CAST: variants seen among roughly 807,000 people sequenced by gnomAD.
The protein encoded by CAST is calpastatin.
CAST carries 76 observed loss-of-function variants against 119.6 expected under a neutral mutation model. That is an observed-to-expected ratio of 0.64 (90% CI 0.53 to 0.77). The LOEUF (loss-of-function observed/expected upper bound fraction) is 0.77. Among genes scored for constraint, CAST ranks in the 30% least tolerant of loss-of-function variants. The pLI is 0.00. For missense variants in CAST, 953 were observed against 946.5 expected (o/e 1.01, Z -0.09); for synonymous variants, 319 against 331.6 (o/e 0.96, Z 0.41).
At chr5:96,697,074 A>G (rs2150308114) in intron 3 of CAST, among the ~76,000 whole-genome samples, 1 of 151,170 alleles carries the variant, frequency 6.6e-6, no homozygotes, top group Non-Finnish European at 1.5e-5. Context: ...AGGCTGAGGC[A>G]GGAGAATGGC....
At chr5:96,730,746 T>TA in intron 8 of CAST, 34 bp from the exon 9 acceptor site, 1 of 1,487,022 alleles carries the variant, frequency 6.7e-7, no homozygotes, top group Non-Finnish European at 9.4e-7. Flanking sequence ...CAGAGATACT[T>TA]AGCTCTGTCA....
the CAST span, among the ~76,000 whole-genome samples, chr5:96,363,652 A>G: frequency 4.6e-4 from 70 of 152,114 alleles, no homozygotes; most frequent in African/African-American, 1.5e-3. Flanking sequence ...TTATTGGTGT[A>G]TAAGAATGCT....
At chr5:95,993,449 C>G in the CAST span, among the ~76,000 whole-genome samples, 1 of 152,066 alleles carries the variant, frequency 6.6e-6, no homozygotes, top group African/African-American at 2.4e-5. Flanking sequence ...TTTTGGTTAT[C>G]ACAACTGGAG....
At chr5:96,102,726 T>TTG in the CAST span, among the ~76,000 whole-genome samples, 109 of 151,360 alleles carry the variant, frequency 7.2e-4, 1 homozygote, top group African/African-American at 2.5e-3. Context: ...TCTTGGGGTT[T>TTG]TTTTTTTTTT....
the CAST span, among the ~76,000 whole-genome samples, chr5:96,326,695 ATTTTTTT>A: frequency 2.2e-3 from 208 of 95,748 alleles, 1 homozygote; most frequent in African/African-American, 6.8e-3. Flanking sequence ...ATGGCTTTTC[ATTTTTTT>A]TTTTTTTTTT....
At chr5:96,072,832 G>A in the CAST span, among the ~76,000 whole-genome samples, 1 of 152,182 alleles carries the variant, frequency 6.6e-6, no homozygotes, top group African/African-American at 2.4e-5. Flanking sequence ...ACCTGTGCGT[G>A]TGCACACATA....
intron 1 of CAST, among the ~76,000 whole-genome samples, chr5:96,576,778 T>C (rs2150188312): frequency 6.6e-6 from 1 of 152,314 alleles, no homozygotes; most frequent in East Asian, 1.9e-4. Flanking sequence ...GTTTTCGTTT[T>C]TGTTTTTTCT....
chr5:96,594,208 C>T (rs1391065609), intron 1 of CAST, among the ~76,000 whole-genome samples: 2 of 152,182 alleles, frequency 1.3e-5, no homozygotes, highest in Non-Finnish European at 2.9e-5. Context: ...AAGAAACTCT[C>T]GTTTTTTCCA....
At chr5:96,429,146 TA>T in the CAST span, 51 of 848,454 alleles carry the variant, frequency 6.0e-5, no homozygotes, top group Non-Finnish European at 9.9e-5. Context: ...CTTCTGTTTT[TA>T]TTAGAAATCA....
the CAST span, among the ~76,000 whole-genome samples, chr5:96,127,247 A>C: frequency 2.0e-5 from 3 of 152,092 alleles, no homozygotes; most frequent in Admixed American, 6.6e-5. Context: ...ACAAATTACA[A>C]TTTTTGTGAA....
At chr5:96,182,753 A>G in the CAST span, among the ~76,000 whole-genome samples, 1 of 152,214 alleles carries the variant, frequency 6.6e-6, no homozygotes, top group African/African-American at 2.4e-5. Flanking sequence ...CAAACACAAC[A>G]GTCTACTTTT....
chr5:96,352,044 A>C, the CAST span, among the ~76,000 whole-genome samples: 918 of 152,278 alleles, frequency 6.0e-3, 15 homozygotes, highest in African/African-American at 0.021. Flanking sequence ...TTAGAGGACC[A>C]TCCCAACACT....
At chr5:96,277,530 A>G in the CAST span, among the ~76,000 whole-genome samples, 38 of 152,266 alleles carry the variant, frequency 2.5e-4, no homozygotes, top group African/African-American at 8.4e-4. Flanking sequence ...TCTATTAAAC[A>G]TGGCAAATAA....
chr5:96,565,498 C>A (rs1469291723), intron 1 of CAST, among the ~76,000 whole-genome samples: 1 of 152,144 alleles, frequency 6.6e-6, no homozygotes, highest in East Asian at 1.9e-4. Context: ...ATCCCCAAAT[C>A]ATACTGTGAA....
At chr5:96,155,815 A>G in the CAST span, among the ~76,000 whole-genome samples, 1 of 152,058 alleles carries the variant, frequency 6.6e-6, no homozygotes, top group African/African-American at 2.4e-5. Flanking sequence ...TGGTCTCTCT[A>G]TGGCTTCTGC....
At chr5:96,589,132 T>TAAAG (rs1746917451) in intron 1 of CAST, among the ~76,000 whole-genome samples, 1 of 152,198 alleles carries the variant, frequency 6.6e-6, no homozygotes, top group South Asian at 2.1e-4. Context: ...TACATTACTC[T>TAAAG]AAAGATAACA....
chr5:96,412,750 A>ATTTTTTTTT, the CAST span, among the ~76,000 whole-genome samples: 1 of 63,388 alleles, frequency 1.6e-5, no homozygotes, highest in African/African-American at 7.9e-5. Context: ...GGCAGCTGTG[A>ATTTTTTTTT]TGTTTTTTTT....
the CAST span, among the ~76,000 whole-genome samples, chr5:96,011,389 G>A: frequency 6.6e-6 from 1 of 152,160 alleles, no homozygotes; most frequent in Non-Finnish European, 1.5e-5. Flanking sequence ...AAATATAGTA[G>A]TAATAAAATG....
In CAST at chr5:96,668,169, CA is replaced by C. The variant is rs1307615114; in HGVS notation, c.75+5673del. Among the ~76,000 whole-genome samples the C allele has an allele frequency of 8.4e-3, 1,280 of 152,276 alleles. 15 individuals carry two copies. Among genetic ancestry groups the C allele is most frequent in the African/African-American group, 0.029 (1,201 of 41,526 alleles). ...ACGCGTGCACACACACACACACACA[CA>C]CACCCTTTCAACATGTTTTAAAGCA... On this transcript the variant is annotated intron_variant, in intron 1 of 31. Coordinates refer to ENST00000675179, the MANE Select transcript of CAST (RefSeq NM_001750.7).
Sources: gnomAD v4.1 joint callset for allele counts (sites outside exome capture counted in the v4.1 genomes callset) on GRCh38, gnomAD v4.1.1 for gene constraint, MANE v1.5 for transcripts, NCBI Gene and HGNC (gene_info 2026-07-23, HGNC 2026-07-21) for gene names.